The following MKLN1 variants were observed in gnomAD, a reference collection of about 807,000 sequenced individuals.
MKLN1 encodes muskelin 1, also known as muskelin.
In MKLN1, 18 loss-of-function variants were observed where a neutral mutation model predicts 99.0. That is an observed-to-expected ratio of 0.18 (90% CI 0.13 to 0.27). The LOEUF is 0.27. MKLN1 is among the 10% of genes least tolerant of loss of function. MKLN1 has a pLI of 1.00. For missense variants in MKLN1, 621 were observed against 875.9 expected, an observed-to-expected ratio of 0.71 and a Z score of 3.67; for synonymous variants, 288 against 293.2, an observed-to-expected ratio of 0.98 and a Z score of 0.18.
At chr7:131,400,274 A>C (rs1794493152) in intron 6 of MKLN1, among the ~76,000 whole-genome samples, 1 of 151,862 alleles carries the variant, frequency 6.6e-6, no homozygotes, top group African/African-American at 2.4e-5. Context: ...GCTAAAAAAA[A>C]ACCAGACTTG....
chr7:131,222,940 G>T (rs185352343), intron 3 of MKLN1, among the ~76,000 whole-genome samples: 6 of 152,126 alleles, frequency 3.9e-5, no homozygotes, highest in Middle Eastern at 3.4e-3. Flanking sequence ...TACTTGGGAG[G>T]CTGAGGCATG....
intron 4 of MKLN1, among the ~76,000 whole-genome samples, chr7:131,389,881 T>TC (rs1400269442): frequency 3.3e-5 from 5 of 150,294 alleles, no homozygotes; most frequent in Non-Finnish European, 7.4e-5. Flanking sequence ...AGAGCGAGAC[T>TC]CCATCTCCAA....
chr7:131,204,778 C>T (rs1181398768), intron 3 of MKLN1, among the ~76,000 whole-genome samples: 2 of 152,052 alleles, frequency 1.3e-5, no homozygotes, highest in African/African-American at 2.4e-5. Flanking sequence ...ATCCTGGCTA[C>T]AAAAAATTAG....
intron 17 of MKLN1, among the ~76,000 whole-genome samples, chr7:131,483,891 A>C (rs1247627356): frequency 6.6e-6 from 1 of 152,244 alleles, no homozygotes; most frequent in African/African-American, 2.4e-5. Context: ...TGGGGGTTAC[A>C]CATGAATTTT....
rs537406333 is a variant in MKLN1 at position 131,136,185 on chromosome 7, C to T, written c.-418-6635C>T. Among the ~76,000 whole-genome samples the T allele has an allele frequency of 2.2e-4, 34 of 152,328 alleles. No homozygotes were observed. In the South Asian group the frequency reaches 6.2e-3, roughly 28 times the overall value. ...AGGATTTTGAGAGATTATTTTCAAA[C>T]ACCTCTTGCAGGCATGTGGGGTTCC... On this transcript the variant is annotated intron_variant, in intron 1 of 7. Coordinates refer to the MKLN1 transcript ENST00000416992.
intron 5 of MKLN1, among the ~76,000 whole-genome samples, chr7:131,397,948 A>T (rs1440348222): frequency 6.6e-6 from 1 of 152,194 alleles, no homozygotes; most frequent in African/African-American, 2.4e-5. Flanking sequence ...GCCAAGAGTA[A>T]GTTAATTATA....
intron 17 of MKLN1, 104 bp downstream of exon 17, chr7:131,478,781 T>A: frequency 7.7e-7 from 1 of 1,306,302 alleles, no homozygotes; most frequent in Non-Finnish European, 1.1e-6. Flanking sequence ...TTCAGTCAAA[T>A]AGATGAGCAA....
chr7:131,142,843 C>T (rs1795756829), exon 2 of MKLN1: 2 of 1,184,742 alleles, frequency 1.7e-6, no homozygotes, highest in African/African-American at 3.2e-5. Context: ...GACTCTCAAA[C>T]CATGTTTTGG....
chr7:131,379,637 A>G (rs1008458627), intron 2 of MKLN1, among the ~76,000 whole-genome samples: 4 of 152,218 alleles, frequency 2.6e-5, no homozygotes, highest in African/African-American at 9.6e-5. Flanking sequence ...AATAAGACCT[A>G]CTATTTGATA....
intron 11 of MKLN1, 151 bp downstream of exon 11, chr7:131,443,853 T>C: frequency 1.5e-6 from 1 of 654,282 alleles, no homozygotes; most frequent in South Asian, 1.9e-5. Flanking sequence ...GTTTGCTAAT[T>C]ATGAGACTCT....
intron 1 of MKLN1, among the ~76,000 whole-genome samples, chr7:131,338,771 T>C (rs1432748300): frequency 6.6e-6 from 1 of 152,230 alleles, no homozygotes; most frequent in African/African-American, 2.4e-5. Context: ...TTATTCTTGC[T>C]ATCTGATGGG....
At chr7:131,359,382 A>G (rs565173288) in intron 1 of MKLN1, among the ~76,000 whole-genome samples, 1 of 151,982 alleles carries the variant, frequency 6.6e-6, no homozygotes, top group Non-Finnish European at 1.5e-5. Flanking sequence ...GTAATCTTCA[A>G]CTCTTTTACA....
chr7:131,216,627 T>C, intron 3 of MKLN1, among the ~76,000 whole-genome samples: 1 of 152,204 alleles, frequency 6.6e-6, no homozygotes. Flanking sequence ...CTTCTACTAC[T>C]GCCGACACTT....
At chr7:131,310,541 C>A (rs75131391) in intron 3 of MKLN1, 2 of 152,084 alleles carry the variant, frequency 1.3e-5, no homozygotes, top group African/African-American at 2.4e-5. Context: ...AGATACACAG[C>A]GGAAATATTT....
intron 3 of MKLN1, among the ~76,000 whole-genome samples, chr7:131,234,018 C>G (rs1183047976): frequency 6.6e-6 from 1 of 151,998 alleles, no homozygotes; most frequent in Non-Finnish European, 1.5e-5. Context: ...TTGCTCTTGT[C>G]CCCCAGGCTA....
At chr7:131,302,768 G>A (rs1412254083) in intron 3 of MKLN1, among the ~76,000 whole-genome samples, 2 of 152,148 alleles carry the variant, frequency 1.3e-5, no homozygotes, top group Admixed American at 1.3e-4. Flanking sequence ...AAAGGGTGAA[G>A]GCCAACCATT....
intron 1 of MKLN1, among the ~76,000 whole-genome samples, chr7:131,335,291 G>A (rs1370822169): frequency 3.3e-5 from 5 of 152,104 alleles, no homozygotes; most frequent in Non-Finnish European, 7.4e-5. Context: ...TACTGTGTAT[G>A]TATATTTATG....
At chr7:131,306,303 A>C (rs923796620) in intron 3 of MKLN1, among the ~76,000 whole-genome samples, 1 of 152,254 alleles carries the variant, frequency 6.6e-6, no homozygotes, top group Non-Finnish European at 1.5e-5. Flanking sequence ...TGCTATAAAG[A>C]TACCTAAAAA....
chr7:131,227,395 TTCTCTCTTTCTTTCCCTC>T (rs1797164734), intron 3 of MKLN1, among the ~76,000 whole-genome samples: 1 of 151,690 alleles, frequency 6.6e-6, no homozygotes, highest in South Asian at 2.1e-4. Context: ...TTTTCTTTCT[TTCTCTCTTTCTTTCCCTC>T]TCTCTCTTTC....
Sources: allele counts gnomAD v4.1 joint callset (sites outside exome capture counted in the v4.1 genomes callset), GRCh38; gene constraint gnomAD v4.1.1; transcripts MANE v1.5; gene names NCBI Gene and HGNC (gene_info 2026-07-23, HGNC 2026-07-21).